Variants in ARHGAP25 observed in about 807,000 individuals in gnomAD.
The protein encoded by ARHGAP25 is Rho GTPase activating protein 25, also known as rho GTPase-activating protein 25.
ARHGAP25 carries 34 observed loss-of-function variants against 71.0 expected under a neutral mutation model. That is an observed-to-expected ratio of 0.48 (90% CI 0.36 to 0.64). The LOEUF (loss-of-function observed/expected upper bound fraction) is 0.64, where lower values mean the gene tolerates loss of function less well. ARHGAP25 is among the 30% of genes least tolerant of loss of function. The probability of loss-of-function intolerance (pLI) is 0.00; values close to 1 mark genes in which losing one functional copy is unlikely to be tolerated. For missense variants in ARHGAP25, 706 were observed against 805.1 expected (o/e 0.88, Z 1.49); for synonymous variants, 282 against 296.5 (o/e 0.95, Z 0.50).
At position 68,782,242 on chromosome 2, in the gene ARHGAP25, T is replaced by C. The variant is rs1678391980; in HGVS notation, c.271T>C (p.Tyr91His). 4 of 1,614,102 alleles carry C rather than the reference T, an allele frequency of 2.5e-6. No homozygotes were observed. Among genetic ancestry groups the C allele is most frequent in the Non-Finnish European group, 3.4e-6 (4 of 1,179,962 alleles). The change falls in exon 3 of 11, where the codon TAT (tyrosine) becomes CAT (histidine). Residue 91 changes from tyrosine (Y) to histidine (H), a missense_variant. Physicochemically the swap from Tyr to His is moderately conservative, Grantham distance 83. Transcript: ENST00000409202. ...ACTTTTCATCTTTCAGGGCTGCATG[T>C]ATCTACCAGGATGTACAATCAAGGA... ...EEDTKPQGCM[Y>H]LPGCTIKEIA...
intron 5 of ARHGAP25, among the ~76,000 whole-genome samples, chr2:68,808,517 G>A (rs1680541031): frequency 6.6e-6 from 1 of 152,118 alleles, no homozygotes; most frequent in Non-Finnish European, 1.5e-5. Context: ...ACAACCATAG[G>A]GGTGTCTTTC....
At chr2:68,722,483 C>T (rs1374910085) in intron 2 of ARHGAP25, among the ~76,000 whole-genome samples, 2 of 150,650 alleles carry the variant, frequency 1.3e-5, no homozygotes, top group African/African-American at 4.9e-5. Flanking sequence ...GAGGCTGAGG[C>T]AGGAGAATCG....
intron 6 of ARHGAP25, among the ~76,000 whole-genome samples, chr2:68,814,452 G>A (rs1486135617): frequency 6.6e-6 from 1 of 152,178 alleles, no homozygotes; most frequent in East Asian, 1.9e-4. Context: ...CATGTGGCAA[G>A]TAACTGCTAT....
At chr2:68,745,864 G>A (rs984844000) in intron 1 of ARHGAP25, among the ~76,000 whole-genome samples, 3 of 152,310 alleles carry the variant, frequency 2.0e-5, no homozygotes, top group Admixed American at 6.5e-5. Flanking sequence ...ATGCTGACTT[G>A]GTGGTCTCAC....
rs540914521 is a variant in ARHGAP25, at chr2:68,771,351, T to G, written c.62-3870T>G. Among the ~76,000 whole-genome samples, 67 of 152,292 alleles carry G rather than the reference T, an allele frequency of 4.4e-4. No homozygotes were observed. In the South Asian group the frequency reaches 0.013, roughly 30 times the overall value. ...GACCTGCTTCCTGAAGGGCTGGGAA[T>G]GTGCACTCAGGGTACAATGACTGGC... On this transcript the variant is annotated intron_variant, in intron 1 of 10. Transcript: ENST00000409202.
At chr2:68,717,193 T>C (rs1039196029) in intron 2 of ARHGAP25, among the ~76,000 whole-genome samples, 2 of 152,194 alleles carry the variant, frequency 1.3e-5, no homozygotes, top group African/African-American at 2.4e-5. Context: ...TATTTGTGCA[T>C]CTAAACATAT....
intron 5 of ARHGAP25, among the ~76,000 whole-genome samples, chr2:68,809,562 G>A (rs1573603335): frequency 6.6e-6 from 1 of 152,034 alleles, no homozygotes; most frequent in Non-Finnish European, 1.5e-5. Flanking sequence ...GAAAGGGGGT[G>A]GAAAGAGGGC....
chr2:68,814,606 A>G (rs1681067767), intron 6 of ARHGAP25, among the ~76,000 whole-genome samples: 1 of 152,168 alleles, frequency 6.6e-6, no homozygotes, highest in African/African-American at 2.4e-5. Context: ...CCACACTTCA[A>G]AATTTATTAG....
intron 9 of ARHGAP25, among the ~76,000 whole-genome samples, chr2:68,822,056 A>G (rs1681724786): frequency 6.6e-6 from 1 of 152,122 alleles, no homozygotes; most frequent in African/African-American, 2.4e-5. Context: ...ATAGTTATAA[A>G]GACCACCCAT....
chr2:68,803,066 T>G (rs1680125674), intron 4 of ARHGAP25, among the ~76,000 whole-genome samples: 1 of 152,120 alleles, frequency 6.6e-6, no homozygotes, highest in African/African-American at 2.4e-5. Context: ...GTTATAAGTT[T>G]ATAGGTGATA....
intron 1 of ARHGAP25, among the ~76,000 whole-genome samples, chr2:68,756,260 G>A (rs966792426): frequency 6.6e-6 from 1 of 152,206 alleles, no homozygotes; most frequent in Non-Finnish European, 1.5e-5. Flanking sequence ...AACGTGCAGG[G>A]GCCGAATGGG....
At chr2:68,740,060 T>C (rs773114556) in intron 1 of ARHGAP25, among the ~76,000 whole-genome samples, 1 of 152,114 alleles carries the variant, frequency 6.6e-6, no homozygotes, top group Non-Finnish European at 1.5e-5. Flanking sequence ...GAGCTAAATA[T>C]GAAATATGAA....
intron 1 of ARHGAP25, among the ~76,000 whole-genome samples, chr2:68,760,016 T>C (rs921951820): frequency 3.9e-5 from 6 of 152,022 alleles, no homozygotes; most frequent in African/African-American, 1.4e-4. Context: ...ATTCTTGAAA[T>C]GCAAGGGTGA....
intron 1 of ARHGAP25, among the ~76,000 whole-genome samples, chr2:68,748,783 G>A (rs1185106521): frequency 6.6e-6 from 1 of 152,192 alleles, no homozygotes; most frequent in Non-Finnish European, 1.5e-5. Context: ...AGCTATCCCT[G>A]AGGGCGGTCA....
At chr2:68,764,109 A>C (rs1190448559) in intron 1 of ARHGAP25, among the ~76,000 whole-genome samples, 1 of 152,200 alleles carries the variant, frequency 6.6e-6, no homozygotes, top group Non-Finnish European at 1.5e-5. Context: ...TCTTATGCAC[A>C]GACTCATATA....
intron 6 of ARHGAP25, among the ~76,000 whole-genome samples, chr2:68,814,869 T>C (rs1681085362): frequency 6.6e-6 from 1 of 152,248 alleles, no homozygotes; most frequent in Non-Finnish European, 1.5e-5. Context: ...GTACGATATT[T>C]TGTGCGTAAC....
chr2:68,791,503 T>C (rs1224284438), intron 4 of ARHGAP25, among the ~76,000 whole-genome samples: 1 of 152,002 alleles, frequency 6.6e-6, no homozygotes, highest in Non-Finnish European at 1.5e-5. Context: ...TTCCTCCAAG[T>C]ATGTCGGTGG....
intron 7 of ARHGAP25, among the ~76,000 whole-genome samples, chr2:68,817,140 C>T (rs1681293104): frequency 6.6e-6 from 1 of 151,978 alleles, no homozygotes; most frequent in Non-Finnish European, 1.5e-5. Flanking sequence ...TTATTATGAG[C>T]ATTTCCCTAT....
chr2:68,790,058 G>A (rs1009408830), intron 4 of ARHGAP25, among the ~76,000 whole-genome samples: 1 of 152,072 alleles, frequency 6.6e-6, no homozygotes, highest in Non-Finnish European at 1.5e-5. Flanking sequence ...GCATGATCTC[G>A]GCTCACTGCA....
Sources: gnomAD v4.1 joint callset for allele counts (sites outside exome capture counted in the v4.1 genomes callset) on GRCh38, gnomAD v4.1.1 for gene constraint, MANE v1.5 for transcripts, NCBI Gene and HGNC (gene_info 2026-07-23, HGNC 2026-07-21) for gene names.